Variants in SP100 observed in about 807,000 individuals in gnomAD.
SP100 encodes the protein nuclear autoantigen Sp-100.
In SP100, 84 loss-of-function variants were observed where a neutral mutation model predicts 130.0. The observed-to-expected ratio is 0.65, with a 90% CI of 0.54 to 0.77. SP100 has a LOEUF of 0.77. Among genes scored for constraint, SP100 ranks in the 30% least tolerant of loss-of-function variants. The pLI is 0.00. For missense variants in SP100, 978 were observed against 1,052.2 expected, an observed-to-expected ratio of 0.93 and a Z score of 0.97; for synonymous variants, 331 against 351.7, an observed-to-expected ratio of 0.94 and a Z score of 0.66.
In SP100 at chr2:230,469,089, G is replaced by T. The variant is rs201515370; in HGVS notation, c.1338G>T (p.Arg446Ser). 6.3e-7 allele frequency: 1 copy of T among 1,595,866 alleles called. No individual in the cohort carries two copies. Among genetic ancestry groups the T allele is most frequent in the Non-Finnish European group, 8.6e-7 (1 of 1,165,842 alleles). Residue 446 changes from arginine to serine, a missense_variant, in exon 14 of 29, where the codon AGG (arginine) becomes AGT (serine). Coordinates refer to ENST00000340126, the MANE Select transcript of SP100 (RefSeq NM_001080391.2). ...RSTSTWRIPSRKRRFSSSDFS... is the reference protein window; with the variant it reads ...RSTSTWRIPSSKRRFSSSDFS... The stretch of plus-strand genomic sequence containing the variant: ...CATCTACTTGGAGAATACCCAGCAG[G>T]AAGAGACGTAAGAGCAATTAAAAAC...
chr2:230,522,476 C>CTTTTTTTTTTTTTTTTTTT (rs750389091), intron 24 of SP100, among the ~76,000 whole-genome samples: 1 of 82,138 alleles, frequency 1.2e-5, no homozygotes, highest in African/African-American at 5.0e-5. Context: ...CCCCAGTGTT[C>CTTTTTTTTTTTTTTTTTTT]TTTTTTTTTT....
At chr2:230,481,887 A>G (rs9678598) in intron 17 of SP100, among the ~76,000 whole-genome samples, 31,705 of 152,096 alleles carry the variant, frequency 0.21, 4,237 homozygotes, top group African/African-American at 0.38. Context: ...TTACCTGGTA[A>G]GAATGGTTTC....
At chr2:230,432,634 AT>A (rs2063133250) in intron 2 of SP100, among the ~76,000 whole-genome samples, 1 of 151,800 alleles carries the variant, frequency 6.6e-6, no homozygotes, top group African/African-American at 2.4e-5. Context: ...ACATGTTTTT[AT>A]TTTTCATATG....
At chr2:230,463,861 C>A in intron 10 of SP100, 1 of 382,976 alleles carries the variant, frequency 2.6e-6, no homozygotes, top group Non-Finnish European at 4.8e-6. Context: ...CCAAGCAAGG[C>A]AAATATTCCC....
intron 8 of SP100, among the ~76,000 whole-genome samples, chr2:230,457,297 T>C (rs548296741): frequency 6.6e-6 from 1 of 152,300 alleles, no homozygotes; most frequent in African/African-American, 2.4e-5. Flanking sequence ...AGCTTGCTGC[T>C]AGGATGGGCC....
chr2:230,493,589 A>C (rs1041065196), intron 17 of SP100, among the ~76,000 whole-genome samples: 5 of 151,644 alleles, frequency 3.3e-5, no homozygotes, highest in African/African-American at 1.2e-4. Context: ...TATGTCCTTC[A>C]CTTTAATTTC....
chr2:230,479,243 C>T (rs1559511046), intron 17 of SP100, among the ~76,000 whole-genome samples: 4 of 152,186 alleles, frequency 2.6e-5, no homozygotes, highest in South Asian at 4.1e-4. Flanking sequence ...AAATACATAA[C>T]GTGAAGTTAG....
At chr2:230,477,948 CA>C (rs5839369) in intron 17 of SP100, among the ~76,000 whole-genome samples, 8 of 133,934 alleles carry the variant, frequency 6.0e-5, no homozygotes, top group African/African-American at 8.5e-5. Context: ...ACAAAACAAA[CA>C]AAAAAAAAAG....
chr2:230,454,220 T>C (rs564926002), intron 8 of SP100, among the ~76,000 whole-genome samples: 17 of 151,970 alleles, frequency 1.1e-4, no homozygotes, highest in Non-Finnish European at 2.5e-4. Flanking sequence ...CTCAATTTTG[T>C]TTATTTTTTC....
intron 17 of SP100, among the ~76,000 whole-genome samples, chr2:230,482,014 A>G (rs1575707427): frequency 6.6e-6 from 1 of 152,238 alleles, no homozygotes; most frequent in African/African-American, 2.4e-5. Context: ...TGTGCAGGTT[A>G]GTTACATATG....
At chr2:230,542,123 T>C in intron 28 of SP100, 88 bp downstream of exon 28, 1 of 1,395,402 alleles carries the variant, frequency 7.2e-7, no homozygotes, top group Non-Finnish European at 1.0e-6. Context: ...CAGGTAAATG[T>C]TACAATCGCC....
intron 17 of SP100, among the ~76,000 whole-genome samples, chr2:230,480,548 G>C (rs1295349602): frequency 1.3e-5 from 2 of 152,204 alleles, no homozygotes; most frequent in African/African-American, 4.8e-5. Context: ...TCAGTAGGCA[G>C]CTGGGCTTCT....
intron 24 of SP100, among the ~76,000 whole-genome samples, chr2:230,527,890 A>C (rs774808972): frequency 5.3e-5 from 8 of 152,216 alleles, no homozygotes; most frequent in African/African-American, 1.9e-4. Flanking sequence ...GCTATCCTAA[A>C]TACATGCACC....
chr2:230,451,576 T>C (rs2063987695), intron 8 of SP100, among the ~76,000 whole-genome samples: 1 of 152,258 alleles, frequency 6.6e-6, no homozygotes, highest in Admixed American at 6.5e-5. Context: ...TGCAAATATT[T>C]TTTCCCATTC....
At chr2:230,537,708 C>A (rs955431177) in intron 24 of SP100, 11 of 152,230 alleles carry the variant, frequency 7.2e-5, no homozygotes, top group African/African-American at 2.2e-4. Flanking sequence ...CCCCCGCAAC[C>A]GCCTGACAAA....
At chr2:230,481,023 A>AC (rs2065807247) in intron 17 of SP100, among the ~76,000 whole-genome samples, 1 of 102,458 alleles carries the variant, frequency 9.8e-6, no homozygotes, top group Non-Finnish European at 2.1e-5. Context: ...TAGTGGTAGT[A>AC]TTGGTGGTGG....
chr2:230,481,053 G>GGTT (rs1396405178), intron 17 of SP100, among the ~76,000 whole-genome samples: 1 of 151,786 alleles, frequency 6.6e-6, no homozygotes, highest in Non-Finnish European at 1.5e-5. Flanking sequence ...TGGTGGTGGT[G>GGTT]GTGGTGTTGG....
At chr2:230,500,202 A>T (rs970290586) in intron 19 of SP100, among the ~76,000 whole-genome samples, 4 of 152,224 alleles carry the variant, frequency 2.6e-5, no homozygotes, top group African/African-American at 9.7e-5. Flanking sequence ...TACATGGTTA[A>T]TGTAGAATTA....
At chr2:230,442,720 C>T (rs2063518892) in intron 2 of SP100, among the ~76,000 whole-genome samples, 1 of 152,074 alleles carries the variant, frequency 6.6e-6, no homozygotes, top group African/African-American at 2.4e-5. Context: ...TTAGACAGAA[C>T]TTTTTCAGTC....
Sources: gnomAD v4.1 joint callset for allele counts (sites outside exome capture counted in the v4.1 genomes callset) on GRCh38, gnomAD v4.1.1 for gene constraint, MANE v1.5 for transcripts, NCBI Gene and HGNC (gene_info 2026-07-23, HGNC 2026-07-21) for gene names.